Variants in PPFIA2 observed in about 807,000 individuals in gnomAD.
PPFIA2 encodes PPFI scaffold protein A2.
Under a neutral mutation model 175.5 loss-of-function variants are expected in PPFIA2, and 46 were observed. The ratio of observed to expected loss-of-function variants is 0.26; its 90% CI spans 0.21 to 0.34. The LOEUF is 0.34. Ranked by LOEUF, PPFIA2 falls within the 10% of genes least tolerant of loss-of-function variation. The pLI is 1.00. For synonymous variants in PPFIA2, 568 were observed against 511.4 expected, an observed-to-expected ratio of 1.11 and a Z score of -1.49; for missense variants, 1,179 against 1,506.1, an observed-to-expected ratio of 0.78 and a Z score of 3.60.
intron 7 of PPFIA2, among the ~76,000 whole-genome samples, chr12:81,439,166 CCTCTCTCT>C (rs375429110): frequency 6.8e-6 from 1 of 146,356 alleles, no homozygotes; most frequent in Non-Finnish European, 1.5e-5. Flanking sequence ...TCTCTCTCTC[CCTCTCTCT>C]CTCTCTCTCT....
rs559646357 is a variant in PPFIA2 at position 81,519,978 on chromosome 12, T to G, written c.304-62112A>C. Among the ~76,000 whole-genome samples, 6 of 152,334 alleles carry G rather than the reference T, an allele frequency of 3.9e-5. No individual in the cohort carries two copies. The South Asian group carries it at 1.2e-3, about 32-fold the overall frequency. On this transcript the variant is annotated intron_variant, in intron 4 of 32. Coordinates refer to ENST00000549396, the MANE Select transcript of PPFIA2 (RefSeq NM_003625.5). Reference sequence around the variant, plus strand: ...ATAGGACAATTATAACAACATACTCTAATAAAAGTTATGTGGATGTGGTCT... The same window carrying G: ...ATAGGACAATTATAACAACATACTCGAATAAAAGTTATGTGGATGTGGTCT...
intron 4 of PPFIA2, among the ~76,000 whole-genome samples, chr12:81,538,949 G>T (rs992852549): frequency 2.0e-5 from 3 of 151,920 alleles, no homozygotes; most frequent in South Asian, 2.1e-4. Flanking sequence ...TATGGTTTAG[G>T]ATATGTAGTT....
rs558285132 is a variant in PPFIA2 at position 81,352,513 on chromosome 12, C to T, written c.1994+606G>A. Among the ~76,000 whole-genome samples the T allele has an allele frequency of 4.0e-5, 6 of 151,808 alleles. No individual in the cohort carries two copies. In the East Asian group the frequency reaches 1.2e-3, roughly 30 times the overall value. On this transcript the variant is annotated intron_variant, in intron 17 of 32. Coordinates refer to ENST00000549396, the MANE Select transcript of PPFIA2 (RefSeq NM_003625.5). ...CCTTTCCCTGGAGCCAGGAAGAGAGCCTTTACCAAAAACTGAACCCTGCTG... is the reference window on the plus strand; with the variant it reads ...CCTTTCCCTGGAGCCAGGAAGAGAGTCTTTACCAAAAACTGAACCCTGCTG...
At chr12:81,673,505 G>A (rs1020901085) in intron 4 of PPFIA2, among the ~76,000 whole-genome samples, 3 of 151,884 alleles carry the variant, frequency 2.0e-5, no homozygotes, top group East Asian at 3.9e-4. Context: ...ATTTAATAAC[G>A]AATTTTGCAC....
chr12:81,562,880 G>T (rs1265478150), intron 4 of PPFIA2, among the ~76,000 whole-genome samples: 27 of 139,800 alleles, frequency 1.9e-4, no homozygotes, highest in Admixed American at 1.1e-3. Context: ...AAAAAAGAGA[G>T]AGTATGTTGA....
Position 81,277,414 on chromosome 12 carries a change from T to C in PPFIA2, c.3213A>G (p.Arg1071=), listed in dbSNP as rs200499927. The change falls in exon 28 of 33, where the codon CGA becomes CGG. Residue 1071 remains arginine (R), a splice_region_variant and synonymous_variant. Coordinates refer to ENST00000549396, the MANE Select transcript of PPFIA2 (RefSeq NM_003625.5). The part of the protein sequence containing the change: ...VHLKMVDSFH[R]TSLQYGIMCL... ...ACATAATTCCATATTGTAAACTTGT[T>C]CTTTTTTTTTTATTAAAAAAAAAAA... 4.7e-6 allele frequency: 7 copies of C among 1,495,316 alleles called. No individual in the cohort carries two copies. Among genetic ancestry groups the C allele is most frequent in the Non-Finnish European group, 6.2e-6 (7 of 1,130,332 alleles). 92.6% of individuals were successfully genotyped at this position (1,495,316 alleles called of 1,614,324 possible). A position where few individuals can be genotyped will look rare whatever the true frequency, so the allele number is the denominator to read the frequency against.
At chr12:81,492,017 A>C (rs923860971) in intron 4 of PPFIA2, among the ~76,000 whole-genome samples, 1 of 152,024 alleles carries the variant, frequency 6.6e-6, no homozygotes, top group African/African-American at 2.4e-5. Context: ...ACTTCATTGA[A>C]TACTTCTCCA....
intron 11 of PPFIA2, 184 bp from the exon 12 acceptor site, chr12:81,369,378 G>A: frequency 6.9e-7 from 1 of 1,446,834 alleles, no homozygotes; most frequent in South Asian, 1.3e-5. Context: ...ACAAAGGCCT[G>A]TTACATCCAA....
intron 7 of PPFIA2, among the ~76,000 whole-genome samples, chr12:81,421,879 T>C (rs1470423545): frequency 2.0e-5 from 3 of 151,826 alleles, no homozygotes; most frequent in Non-Finnish European, 4.4e-5. Context: ...ATGCAAATGG[T>C]AACCAAAAGA....
At chr12:81,338,319 G>T (rs192346642) in intron 21 of PPFIA2, among the ~76,000 whole-genome samples, 1 of 151,814 alleles carries the variant, frequency 6.6e-6, no homozygotes, top group Non-Finnish European at 1.5e-5. Flanking sequence ...TTAATATATA[G>T]AAAGACAACC....
At chr12:81,341,037 A>G in intron 20 of PPFIA2, 41 bp downstream of exon 20, 1 of 1,526,072 alleles carries the variant, frequency 6.6e-7, no homozygotes, top group Non-Finnish European at 8.9e-7. Context: ...ATATTTTTGG[A>G]AGGAGGGCAT....
At chr12:81,289,369 A>G (rs1026933211) in intron 24 of PPFIA2, among the ~76,000 whole-genome samples, 2 of 151,882 alleles carry the variant, frequency 1.3e-5, no homozygotes, top group Non-Finnish European at 2.9e-5. Flanking sequence ...GTTATCAAAA[A>G]TCACTTTGTT....
chr12:81,286,942 A>G (rs979035456), intron 24 of PPFIA2, among the ~76,000 whole-genome samples: 16 of 152,028 alleles, frequency 1.1e-4, no homozygotes, highest in African/African-American at 3.6e-4. Flanking sequence ...GCTTCTAACA[A>G]TGATGCTCAT....
chr12:81,562,675 G>A (rs1384383678), intron 4 of PPFIA2, among the ~76,000 whole-genome samples: 5 of 150,548 alleles, frequency 3.3e-5, no homozygotes, highest in Admixed American at 6.6e-5. Flanking sequence ...GTGAAACCCC[G>A]TCTCTACTAA....
At chr12:81,368,202 G>T (rs1403363972) in intron 13 of PPFIA2, 1 of 1,245,756 alleles carries the variant, frequency 8.0e-7, no homozygotes, top group Non-Finnish European at 1.1e-6. Flanking sequence ...AAATCACATT[G>T]CAGACTGTAC....
intron 4 of PPFIA2, among the ~76,000 whole-genome samples, chr12:81,475,860 C>T (rs906774237): frequency 2.0e-5 from 3 of 152,072 alleles, no homozygotes; most frequent in Non-Finnish European, 4.4e-5. Flanking sequence ...TACAGGTGCC[C>T]GCCACCAAGG....
chr12:81,427,326 T>C (rs2047315739), intron 7 of PPFIA2, among the ~76,000 whole-genome samples: 1 of 152,092 alleles, frequency 6.6e-6, no homozygotes, highest in African/African-American at 2.4e-5. Flanking sequence ...AGGTTCTATA[T>C]GACTCAATTT....
At chr12:81,750,896 T>G (rs1465469548) in intron 3 of PPFIA2, among the ~76,000 whole-genome samples, 2 of 152,168 alleles carry the variant, frequency 1.3e-5, no homozygotes, top group Non-Finnish European at 2.9e-5. Context: ...TTTTCATTTT[T>G]CTGTTACCCT....
intron 4 of PPFIA2, among the ~76,000 whole-genome samples, chr12:81,537,120 T>A (rs2065513842): frequency 6.6e-6 from 1 of 151,608 alleles, no homozygotes; most frequent in Non-Finnish European, 1.5e-5. Context: ...AAGCACTTAA[T>A]TATGTATGTA....
Sources: gnomAD v4.1 joint callset for allele counts (sites outside exome capture counted in the v4.1 genomes callset) on GRCh38, gnomAD v4.1.1 for gene constraint, MANE v1.5 for transcripts, NCBI Gene and HGNC (gene_info 2026-07-23, HGNC 2026-07-21) for gene names.